SPTBN1: variants seen among roughly 807,000 people sequenced by gnomAD.
The protein encoded by SPTBN1 is spectrin beta, non-erythrocytic 1.
In SPTBN1, 32 loss-of-function variants were observed where a neutral mutation model predicts 266.4. That is an observed-to-expected ratio of 0.12 (90% CI 0.09 to 0.16). The LOEUF (loss-of-function observed/expected upper bound fraction) is 0.16, where lower values mean the gene tolerates loss of function less well. SPTBN1 is among the 10% of genes least tolerant of loss of function. SPTBN1 has a pLI of 1.00. For synonymous variants in SPTBN1, 1,336 were observed against 1,162.2 expected (o/e 1.15, Z -3.04); for missense variants, 2,296 against 3,067.1 (o/e 0.75, Z 5.94).
intron 6 of SPTBN1, 90 bp downstream of exon 6, chr2:54,617,778 G>A: frequency 7.8e-7 from 1 of 1,276,624 alleles, no homozygotes; most frequent in South Asian, 1.3e-5. Context: ...ATATCCGTTG[G>A]CTTAACTGTC....
Position 54,653,682 on chromosome 2 carries a change from A to G in SPTBN1, c.5651A>G (p.Lys1884Arg). 6.2e-7 allele frequency: 1 copy of G among 1,614,190 alleles called. No homozygotes were observed. The highest frequency in any genetic ancestry group is 8.5e-7 in the Non-Finnish European group (1 of 1,180,030). The change falls in exon 27 of 36, where the codon AAG (lysine) becomes AGG (arginine). Residue 1884 changes from lysine to arginine, a missense_variant. Transcript: ENST00000356805. The surrounding 1 kb of genome is among the most constrained non-coding windows in gnomAD (Gnocchi z 5.1). ...GGTGACAAGGCCGACGATATCCAGA[A>G]GCGCGAGAACGAGGTCCTGGAAGCC... ...YAGDKADDIQ[K>R]RENEVLEAWK...
Position 54,628,800 on chromosome 2 carries a change from A to T in SPTBN1, c.1799-133A>T, listed in dbSNP as rs1231672440. ...AGAAGGTGCTCCATTGCCTTATCGC[A>T]TGGCCCTGCATTTACATTTAGCAGT... On this transcript the variant is annotated intron_variant, in intron 13 of 35. Transcript: ENST00000356805. The surrounding 1 kb of genome is among the most constrained non-coding windows in gnomAD (Gnocchi z 4.3). 20 of 1,184,848 alleles carry T rather than the reference A, an allele frequency of 1.7e-5. No individual in the cohort carries two copies. The highest frequency in any genetic ancestry group is 2.1e-5 in the Non-Finnish European group (18 of 862,014). The allele number at this position is 1,184,848 out of a possible 1,614,324, so 73.4% of individuals were successfully genotyped here.
Position 54,588,304 on chromosome 2 carries a change from A to G in SPTBN1, c.149-10788A>G, listed in dbSNP as rs191201797. On this transcript the variant is annotated intron_variant, in intron 2 of 35. Coordinates refer to ENST00000356805, the MANE Select transcript of SPTBN1 (RefSeq NM_003128.3). The stretch of plus-strand genomic sequence containing the variant: ...GTTTGCTGACTCCTATTTTATATTA[A>G]TCTTTTAACTCAGTCTGAAGGAACT... Among the ~76,000 whole-genome samples, 372 of 152,232 alleles carry G rather than the reference A, an allele frequency of 2.4e-3. 4 individuals carry two copies. Among genetic ancestry groups the G allele is most frequent in the African/African-American group, 8.6e-3 (357 of 41,516 alleles).
At chr2:54,615,686 G>C (rs1677558499) in intron 4 of SPTBN1, among the ~76,000 whole-genome samples, 1 of 152,208 alleles carries the variant, frequency 6.6e-6, no homozygotes, top group East Asian at 1.9e-4. Flanking sequence ...AGCCGACCAG[G>C]CTTTGTGTAT....
At chr2:54,530,980 C>A (rs1276914131) in intron 2 of SPTBN1, among the ~76,000 whole-genome samples, 1 of 152,176 alleles carries the variant, frequency 6.6e-6, no homozygotes, top group African/African-American at 2.4e-5. Flanking sequence ...CAGCATCATC[C>A]ACTCATCTGT....
At chr2:54,588,325 G>A (rs1675429709) in intron 2 of SPTBN1, among the ~76,000 whole-genome samples, 1 of 151,860 alleles carries the variant, frequency 6.6e-6, no homozygotes, top group Non-Finnish European at 1.5e-5. Context: ...CAGTCTGAAG[G>A]AACTGACCAG....
At chr2:54,604,907 C>G (rs1048221244) in intron 3 of SPTBN1, among the ~76,000 whole-genome samples, 1 of 152,124 alleles carries the variant, frequency 6.6e-6, no homozygotes, top group Non-Finnish European at 1.5e-5. Context: ...CTGCAGAGCC[C>G]CGATAGTCAC....
In SPTBN1 at chr2:54,649,731, C is replaced by T. The variant is rs766372439; in HGVS notation, c.5319C>T (p.Ala1773=). Residue 1773 remains alanine, a synonymous_variant, in exon 26 of 36, where the codon GCC becomes GCT. Transcript: ENST00000356805. The surrounding 1 kb of genome is among the most constrained non-coding windows in gnomAD (Gnocchi z 6.7). ...TCATCAACTCTGGACATTCAGATGC[C>T]GCCACCATCGCTGAATGGAAGGATG... ...DELINSGHSD[A]ATIAEWKDGL... is the part of the protein sequence containing the mutation. 7.4e-6 allele frequency: 12 copies of T among 1,614,148 alleles called. No individual in the cohort carries two copies. The highest frequency in any genetic ancestry group is 3.3e-5 in the Admixed American group (2 of 60,022).
intron 2 of SPTBN1, among the ~76,000 whole-genome samples, chr2:54,556,356 T>C (rs189583792): frequency 1.2e-3 from 190 of 152,338 alleles, no homozygotes; most frequent in Admixed American, 2.8e-3. Flanking sequence ...CAGGATTGAG[T>C]GTGGCTACGT....
chr2:54,508,873 C>T (rs960172834), intron 1 of SPTBN1, among the ~76,000 whole-genome samples: 1 of 152,140 alleles, frequency 6.6e-6, no homozygotes, highest in Non-Finnish European at 1.5e-5. Flanking sequence ...GAGAAGAGTT[C>T]TTATTAAAGA....
intron 3 of SPTBN1, among the ~76,000 whole-genome samples, chr2:54,609,046 A>G (rs1677044454): frequency 6.6e-6 from 1 of 152,166 alleles, no homozygotes; most frequent in African/African-American, 2.4e-5. Context: ...TGGTCTTGCC[A>G]TCTTGGTGTA....
At chr2:54,517,126 AGGGG>A (rs1201262980) in intron 1 of SPTBN1, among the ~76,000 whole-genome samples, 1 of 64,132 alleles carries the variant, frequency 1.6e-5, no homozygotes, top group African/African-American at 1.5e-4. Flanking sequence ...TTAATGCTGG[AGGGG>A]GATGGATAGT....
chr2:54,650,357 G>A (rs1011571766), intron 26 of SPTBN1, among the ~76,000 whole-genome samples: 4 of 152,210 alleles, frequency 2.6e-5, no homozygotes, highest in Admixed American at 2.0e-4. Context: ...TAAGTTGTAT[G>A]TCTGGAAAAA....
At chr2:54,460,362 A>T (rs930711639) in intron 1 of SPTBN1, among the ~76,000 whole-genome samples, 3 of 152,170 alleles carry the variant, frequency 2.0e-5, no homozygotes, top group African/African-American at 7.2e-5. Context: ...ATACAAAATT[A>T]TTTTATAAAG....
chr2:54,518,087 T>C (rs577646389), intron 1 of SPTBN1, among the ~76,000 whole-genome samples: 1 of 152,292 alleles, frequency 6.6e-6, no homozygotes, highest in Admixed American at 6.5e-5. Flanking sequence ...GCCGTGACTT[T>C]TCATGTGTGT....
At chr2:54,549,369 C>T (rs1174946538) in intron 2 of SPTBN1, among the ~76,000 whole-genome samples, 1 of 151,418 alleles carries the variant, frequency 6.6e-6, no homozygotes, top group African/African-American at 2.4e-5. Context: ...GTCCTCCATG[C>T]TGCAGCATAT....
At chr2:54,560,569 C>T (rs1165432267) in intron 2 of SPTBN1, among the ~76,000 whole-genome samples, 1 of 152,174 alleles carries the variant, frequency 6.6e-6, no homozygotes, top group African/African-American at 2.4e-5. Flanking sequence ...TAAAAAAAAT[C>T]ATGTGCCCCT....
At position 54,657,880 on chromosome 2, in the gene SPTBN1, C is replaced by G; in HGVS notation, c.6077C>G (p.Ala2026Gly). 1 of 1,614,238 alleles carries G rather than the reference C, an allele frequency of 6.2e-7. No homozygotes were observed. Among genetic ancestry groups the G allele is most frequent in the Non-Finnish European group, 8.5e-7 (1 of 1,180,052 alleles). Residue 2026 changes from alanine to glycine, a missense_variant, in exon 30 of 36, where the codon GCC becomes GGC. Physicochemically the swap from Ala to Gly is moderately conservative, Grantham distance 60. Around this residue, in one of 12 missense-constraint regions of SPTBN1, gnomAD observed 644 missense variants for 745.3 expected, o/e 0.86. Transcript: ENST00000356805. ...GAGGTCCATCAGTTCTCAAGAGACG[C>G]CAGTGTGGCCGAGGCCTGGCTGCTT... ...ILEVHQFSRDASVAEAWLLGQ... is the reference protein window; with the variant it reads ...ILEVHQFSRDGSVAEAWLLGQ...
In SPTBN1 at chr2:54,469,986, G is replaced by A. The variant is rs1405654262; in HGVS notation, c.-48+13468G>A. 2.0e-5 allele frequency among the ~76,000 whole-genome samples: 3 copies of A among 152,278 alleles called. No individual in the cohort carries two copies. The East Asian group carries it at 5.8e-4, about 29-fold the overall frequency. On this transcript the variant is annotated intron_variant, in intron 1 of 35. Transcript: ENST00000356805. ...CCTGTCTTTCATTCTCTGTTTCAAAGGTAGGTTTTTGTCTGTTTGCTTGTT... is the reference window on the plus strand; with the variant it reads ...CCTGTCTTTCATTCTCTGTTTCAAAAGTAGGTTTTTGTCTGTTTGCTTGTT...
Sources: gnomAD v4.1 joint callset for allele counts (sites outside exome capture counted in the v4.1 genomes callset) on GRCh38, gnomAD v4.1.1 for gene constraint, gnomAD v4.1.1 regional missense constraint, Gnocchi (gnomAD v3.1) non-coding constraint, MANE v1.5 for transcripts, NCBI Gene and HGNC (gene_info 2026-07-23, HGNC 2026-07-21) for gene names.